LARP1B: variants seen among roughly 807,000 people sequenced by gnomAD.
LARP1B encodes the protein La ribonucleoprotein 1B.
In LARP1B, 76 loss-of-function variants were observed where a neutral mutation model predicts 114.2. That is an observed-to-expected ratio of 0.67 (90% CI 0.55 to 0.81). The LOEUF (loss-of-function observed/expected upper bound fraction) is 0.81, where lower values mean the gene tolerates loss of function less well. LARP1B is among the 30% of genes least tolerant of loss of function. The pLI is 0.00. For missense variants in LARP1B, 1,014 were observed against 1,075.8 expected, an observed-to-expected ratio of 0.94 and a Z score of 0.80; for synonymous variants, 345 against 348.0, an observed-to-expected ratio of 0.99 and a Z score of 0.10.
rs557679589 is a variant in LARP1B, at chr4:128,190,663, G to C, written c.2004-8776G>C. On this transcript the variant is annotated intron_variant, in intron 15 of 19. Coordinates refer to ENST00000326639, the MANE Select transcript of LARP1B (RefSeq NM_018078.4). ...TCTCTCTCACCTGCTGCAGTGTAAG[G>C]GTGCCTGCTTCCCCTCCCACCACGA... is the stretch of plus-strand genomic sequence containing the variant. 2.6e-5 allele frequency among the ~76,000 whole-genome samples: 4 copies of C among 152,150 alleles called. 1 individual carries two copies. The highest frequency in any genetic ancestry group is 2.0e-4 in the Admixed American group (3 of 15,266).
At chr4:128,137,758 C>T (rs996748314) in intron 11 of LARP1B, among the ~76,000 whole-genome samples, 2 of 144,116 alleles carry the variant, frequency 1.4e-5, no homozygotes, top group South Asian at 2.2e-4. Context: ...TATACAGAAA[C>T]GTGTGTGTAT....
rs1452393673 is a variant in LARP1B at position 128,121,953 on chromosome 4, A to G, written c.1289A>G (p.Asp430Gly). ...ATAGGACGAAAAAACACATTTACTG[A>G]TTGGTCTGATAATGATTCAGATTAT... ...EQIGRKNTFT[D>G]WSDNDSDYEI... is the part of the protein sequence containing the mutation. Residue 430 changes from aspartate (D) to glycine (G), a missense_variant, in exon 11 of 20, where the codon GAT becomes GGT. By Grantham distance (94) the Asp-to-Gly change is moderately conservative. Transcript: ENST00000326639. The G allele has an allele frequency of 1.2e-6, 2 of 1,612,850 alleles. No homozygotes were observed. The highest frequency in any genetic ancestry group is 1.1e-5 in the South Asian group (1 of 91,008).
rs748410415 is a variant in LARP1B at position 128,087,548 on chromosome 4, T to C, written c.359-3453T>C. Among the ~76,000 whole-genome samples, 70 of 152,224 alleles carry C rather than the reference T, an allele frequency of 4.6e-4. 1 individual carries two copies. Among genetic ancestry groups the C allele is most frequent in the African/African-American group, 1.6e-3 (68 of 41,454 alleles). On this transcript the variant is annotated intron_variant, in intron 5 of 19. Transcript: ENST00000326639. ...TCTAGATTAATAATTTCTCTGTATT[T>C]AATTCATTCATCTGCTGAATCCCTT...
chr4:128,092,125 A>G (rs1260576245), intron 7 of LARP1B, among the ~76,000 whole-genome samples: 1 of 152,144 alleles, frequency 6.6e-6, no homozygotes, highest in Non-Finnish European at 1.5e-5. Flanking sequence ...TAAGACTGTA[A>G]AGCTTCTCTA....
intron 8 of LARP1B, 41 bp from the exon 9 acceptor site, chr4:128,107,098 G>T: frequency 6.5e-7 from 1 of 1,545,066 alleles, no homozygotes; most frequent in South Asian, 1.1e-5. Context: ...CACAGACAGT[G>T]AAATAGCTCA....
chr4:128,120,891 A>C (rs1017690545), intron 10 of LARP1B, among the ~76,000 whole-genome samples: 45 of 136,564 alleles, frequency 3.3e-4, no homozygotes, highest in African/African-American at 1.2e-3. Context: ...GCTCACTGCA[A>C]CCTCTGGCTC....
chr4:128,104,950 A>G (rs1056138020), intron 8 of LARP1B, among the ~76,000 whole-genome samples: 1 of 152,288 alleles, frequency 6.6e-6, no homozygotes, highest in Admixed American at 6.5e-5. Flanking sequence ...TATCAAACCA[A>G]TCAAAACCAC....
intron 7 of LARP1B, among the ~76,000 whole-genome samples, chr4:128,092,321 G>A (rs1055926812): frequency 1.3e-5 from 2 of 151,804 alleles, no homozygotes; most frequent in East Asian, 3.9e-4. Context: ...AATTAAATGG[G>A]GACTACCTTA....
chr4:128,095,066 T>G lies in LARP1B; in HGVS notation c.669-3120T>G, dbSNP rs78398522. 3.0e-3 allele frequency among the ~76,000 whole-genome samples: 463 copies of G among 152,272 alleles called. 4 individuals carry two copies. Among genetic ancestry groups the G allele is most frequent in the African/African-American group, 0.011 (445 of 41,546 alleles). ...GTGCCCTGCATGAAATTTTAGAATT[T>G]TAACACATGTATTATGTATCTGCCA... On this transcript the variant is annotated intron_variant, in intron 7 of 19. Coordinates refer to ENST00000326639, the MANE Select transcript of LARP1B (RefSeq NM_018078.4).
intron 12 of LARP1B, among the ~76,000 whole-genome samples, chr4:128,171,750 A>G (rs1288260429): frequency 1.3e-5 from 2 of 152,170 alleles, no homozygotes; most frequent in South Asian, 4.1e-4. Flanking sequence ...CTCATTGCCA[A>G]GGATATTTTC....
chr4:128,089,643 T>C (rs1342285891), intron 5 of LARP1B, among the ~76,000 whole-genome samples: 1 of 152,130 alleles, frequency 6.6e-6, no homozygotes, highest in Non-Finnish European at 1.5e-5. Context: ...GCTAATGTTC[T>C]ACCTTTTTAA....
intron 11 of LARP1B, among the ~76,000 whole-genome samples, chr4:128,159,326 T>TA (rs1737312076): frequency 6.6e-6 from 1 of 152,202 alleles, no homozygotes; most frequent in Non-Finnish European, 1.5e-5. Context: ...AACTGTATTA[T>TA]TACCACAAAG....
At chr4:128,083,390 C>T (rs79850140) in intron 5 of LARP1B, among the ~76,000 whole-genome samples, 4,008 of 151,542 alleles carry the variant, frequency 0.026, 148 homozygotes, top group African/African-American at 0.092. Context: ...CCAGTAGGGG[C>T]GGCTGGGCAG....
At chr4:128,095,263 T>C (rs1580265928) in intron 7 of LARP1B, among the ~76,000 whole-genome samples, 2 of 151,354 alleles carry the variant, frequency 1.3e-5, no homozygotes, top group African/African-American at 4.9e-5. Context: ...CTGAGGCAGG[T>C]GGATCATCTG....
chr4:128,211,145 T>C lies in LARP1B; in HGVS notation c.*1092T>C, dbSNP rs868204212. On this transcript the variant is annotated 3_prime_UTR_variant, in exon 20 of 20. Coordinates refer to ENST00000326639, the MANE Select transcript of LARP1B (RefSeq NM_018078.4). ...AGCACTTATTCTGAATTTTTTGAAT[T>C]GATTTTTAATTATTTTTATTTAGAA... 1 of 911,582 alleles carries C rather than the reference T, an allele frequency of 1.1e-6. No individual in the cohort carries two copies. The highest frequency in any genetic ancestry group is 1.3e-6 in the Non-Finnish European group (1 of 762,806). 56.5% of individuals were successfully genotyped at this position (911,582 alleles called of 1,614,324 possible).
intron 13 of LARP1B, among the ~76,000 whole-genome samples, chr4:128,177,749 GT>G (rs1298412012): frequency 6.6e-6 from 1 of 152,146 alleles, no homozygotes; most frequent in Non-Finnish European, 1.5e-5. Context: ...ATTATGGAAA[GT>G]GGTTTGGCTG....
At chr4:128,089,439 G>GAACA in intron 5 of LARP1B, among the ~76,000 whole-genome samples, 1 of 150,310 alleles carries the variant, frequency 6.7e-6, no homozygotes, top group Non-Finnish European at 1.5e-5. Flanking sequence ...AGGTTCAGGT[G>GAACA]ATTCTCCTGC....
intron 15 of LARP1B, among the ~76,000 whole-genome samples, chr4:128,192,059 T>G (rs1387761836): frequency 1.3e-5 from 2 of 152,208 alleles, no homozygotes; most frequent in African/African-American, 4.8e-5. Context: ...ATAAGCTTTG[T>G]GCTAGATATT....
At chr4:128,194,481 G>C (rs1357940006) in intron 15 of LARP1B, among the ~76,000 whole-genome samples, 2 of 149,610 alleles carry the variant, frequency 1.3e-5, no homozygotes, top group African/African-American at 4.9e-5. Context: ...AGGAGATTGA[G>C]ACCATCCTGG....
Sources: gnomAD v4.1 joint callset for allele counts (sites outside exome capture counted in the v4.1 genomes callset) on GRCh38, gnomAD v4.1.1 for gene constraint, MANE v1.5 for transcripts, NCBI Gene and HGNC (gene_info 2026-07-23, HGNC 2026-07-21) for gene names.